The following RAB6A variants were observed in gnomAD, a reference collection of about 807,000 sequenced individuals.
RAB6A encodes the protein RAB6A, member RAS oncogene family.
In RAB6A, 8 loss-of-function variants were observed where a neutral mutation model predicts 32.3. The observed-to-expected ratio is 0.25, with a 90% CI of 0.15 to 0.45. RAB6A has a LOEUF of 0.45. Ranked by LOEUF, RAB6A falls within the 20% of genes least tolerant of loss-of-function variation. The pLI, the probability that RAB6A is intolerant of heterozygous loss-of-function variation, is 1.00. For missense variants in RAB6A, 104 were observed against 249.4 expected (o/e 0.42, Z 3.93); for synonymous variants, 73 against 82.1 (o/e 0.89, Z 0.60).
chr11:73,697,493 G>T (rs1443872267), intron 6 of RAB6A, among the ~76,000 whole-genome samples: 1 of 151,964 alleles, frequency 6.6e-6, no homozygotes, highest in Non-Finnish European at 1.5e-5. Context: ...GATTACAGGT[G>T]AGCACCACCA....
At chr11:73,756,215 G>A (rs768993539) in intron 1 of RAB6A, among the ~76,000 whole-genome samples, 9 of 151,788 alleles carry the variant, frequency 5.9e-5, no homozygotes, top group Non-Finnish European at 8.8e-5. Context: ...TTAGCCAGGC[G>A]TGGTGGTGCG....
chr11:73,730,143 T>G (rs1209366212), intron 2 of RAB6A: 1 of 152,296 alleles, frequency 6.6e-6, no homozygotes, highest in Non-Finnish European at 1.5e-5. Context: ...AATTTTAAAA[T>G]AGCTTCTTCC....
rs1946832585 is a variant in RAB6A, at chr11:73,760,725, G to A, written c.-90C>T. 11 of 1,530,366 alleles carry A rather than the reference G, an allele frequency of 7.2e-6. No homozygotes were observed. The highest frequency in any genetic ancestry group is 8.8e-6 in the Non-Finnish European group (10 of 1,131,322). 94.8% of individuals were successfully genotyped at this position (1,530,366 alleles called of 1,614,324 possible). On this transcript the variant is annotated 5_prime_UTR_variant, in exon 1 of 8. Transcript: ENST00000336083. ...CAGCTGACGAAAAAGGCGAGCGGAA[G>A]GGCGGGCACCGAGCTCTCTCGGCCC...
chr11:73,744,511 C>CAAAAAAAAAAAAAA (rs555388622), intron 1 of RAB6A, among the ~76,000 whole-genome samples: 1 of 63,772 alleles, frequency 1.6e-5, no homozygotes, highest in African/African-American at 7.3e-5. Context: ...ACCCTGTCTC[C>CAAAAAAAAAAAAAA]AAAAAAAAAA....
chr11:73,722,056 G>GTGTGTGTGTATATATATAT (rs1555061901), intron 2 of RAB6A, among the ~76,000 whole-genome samples: 21 of 150,916 alleles, frequency 1.4e-4, no homozygotes, highest in Non-Finnish European at 2.4e-4. Context: ...CTTCTGCCAT[G>GTGTGTGTGTATATATATAT]ATTGTAAGTT....
chr11:73,754,434 T>A (rs1348667563), intron 1 of RAB6A, among the ~76,000 whole-genome samples: 1 of 152,248 alleles, frequency 6.6e-6, no homozygotes, highest in Non-Finnish European at 1.5e-5. Flanking sequence ...TCTTACTCTC[T>A]TGAAATGTAT....
chr11:73,715,766 T>C (rs1200072515), intron 5 of RAB6A, among the ~76,000 whole-genome samples: 1 of 152,190 alleles, frequency 6.6e-6, no homozygotes, highest in African/African-American at 2.4e-5. Flanking sequence ...AATCAAGCTA[T>C]TCAGTGCAAC....
chr11:73,731,686 ATATATATATATATATATATAT>A (rs1565369882), intron 1 of RAB6A, among the ~76,000 whole-genome samples: 1,749 of 27,570 alleles, frequency 0.063, 182 homozygotes, highest in African/African-American at 0.13. Flanking sequence ...GATAGATATT[ATATATATATATATATATATAT>A]ATATATATAT....
intron 2 of RAB6A, among the ~76,000 whole-genome samples, chr11:73,725,166 C>T (rs1165923603): frequency 1.3e-5 from 2 of 152,208 alleles, no homozygotes; most frequent in African/African-American, 4.8e-5. Context: ...CTTATACTTT[C>T]CATTTCTCTA....
chr11:73,697,922 C>T (rs4944030), intron 6 of RAB6A, among the ~76,000 whole-genome samples: 139,264 of 152,278 alleles, frequency 0.91, 63,853 homozygotes, highest in East Asian at 1. Flanking sequence ...TTCAGTTATA[C>T]TGAAGTCCTA....
At chr11:73,721,623 A>T (rs1946133972) in intron 2 of RAB6A, among the ~76,000 whole-genome samples, 1 of 152,216 alleles carries the variant, frequency 6.6e-6, no homozygotes, top group African/African-American at 2.4e-5. Context: ...ATTAGGGGAG[A>T]TAAATAAAAA....
At chr11:73,714,229 T>TATATATAC (rs79775489) in intron 5 of RAB6A, among the ~76,000 whole-genome samples, 1,364 of 117,022 alleles carry the variant, frequency 0.012, 8 homozygotes, top group Non-Finnish European at 0.019. Flanking sequence ...TATATATATA[T>TATATATAC]ACACACATAT....
At chr11:73,684,470 G>T (rs759865923) in intron 6 of RAB6A, among the ~76,000 whole-genome samples, 21 of 152,152 alleles carry the variant, frequency 1.4e-4, no homozygotes, top group Non-Finnish European at 2.9e-4. Context: ...CGTGTGGCCA[G>T]ATATGTACAT....
At chr11:73,738,710 C>T (rs1335607266) in intron 1 of RAB6A, among the ~76,000 whole-genome samples, 2 of 151,808 alleles carry the variant, frequency 1.3e-5, no homozygotes, top group Non-Finnish European at 2.9e-5. Flanking sequence ...TTTGGTAGGC[C>T]GAGGCAGGCA....
At chr11:73,691,469 C>T (rs768330167) in intron 6 of RAB6A, among the ~76,000 whole-genome samples, 1 of 152,218 alleles carries the variant, frequency 6.6e-6, no homozygotes, top group Admixed American at 6.5e-5. Flanking sequence ...CTCCAAGTAG[C>T]ACCAGTAGTT....
At chr11:73,679,533 G>T in intron 7 of RAB6A, 121 bp downstream of exon 7, 1 of 1,228,704 alleles carries the variant, frequency 8.1e-7, no homozygotes, top group Non-Finnish European at 1.2e-6. Flanking sequence ...GAATTTCTAT[G>T]CCTTTAAGTC....
At position 73,686,816 on chromosome 11, in the gene RAB6A, T is replaced by C. The variant is rs116663682; in HGVS notation, c.496-7096A>G. 4.8e-3 allele frequency among the ~76,000 whole-genome samples: 726 copies of C among 152,266 alleles called. 6 individuals carry two copies. The highest frequency in any genetic ancestry group is 0.017 in the African/African-American group (694 of 41,558). On this transcript the variant is annotated intron_variant, in intron 6 of 7. Coordinates refer to ENST00000336083, the MANE Select transcript of RAB6A (RefSeq NM_198896.2). ...CCTATTTTCATTATATATATACATA[T>C]ACTGCTTCATAACATCTATTTTAAC...
At chr11:73,699,839 G>A (rs1945713610) in intron 6 of RAB6A, among the ~76,000 whole-genome samples, 1 of 152,156 alleles carries the variant, frequency 6.6e-6, no homozygotes, top group Admixed American at 6.6e-5. Flanking sequence ...GCCAACTGTG[G>A]TAGACATGGG....
At chr11:73,707,812 T>C (rs1037016497) in intron 5 of RAB6A, among the ~76,000 whole-genome samples, 6 of 152,174 alleles carry the variant, frequency 3.9e-5, no homozygotes, top group African/African-American at 9.7e-5. Flanking sequence ...CCCAGGAATG[T>C]TGAGGCTGCA....
Sources: gnomAD v4.1 joint callset for allele counts (sites outside exome capture counted in the v4.1 genomes callset) on GRCh38, gnomAD v4.1.1 for gene constraint, MANE v1.5 for transcripts, NCBI Gene and HGNC (gene_info 2026-07-23, HGNC 2026-07-21) for gene names.